The following CTNNA3 variants were observed in gnomAD, a reference collection of about 807,000 sequenced individuals.
The protein encoded by CTNNA3 is catenin alpha-3.
CTNNA3 carries 76 observed loss-of-function variants against 95.7 expected under a neutral mutation model. The ratio of observed to expected loss-of-function variants is 0.79; its 90% CI spans 0.66 to 0.96. The LOEUF is 0.96. CTNNA3 is among the 40% of genes least tolerant of loss of function. CTNNA3 has a pLI of 0.00. For missense variants in CTNNA3, 1,191 were observed against 1,089.8 expected, an observed-to-expected ratio of 1.09 and a Z score of -1.31; for synonymous variants, 431 against 374.4, an observed-to-expected ratio of 1.15 and a Z score of -1.74.
chr10:66,564,043 T>G (rs1459635412), intron 10 of CTNNA3, among the ~76,000 whole-genome samples: 2 of 152,240 alleles, frequency 1.3e-5, no homozygotes, highest in East Asian at 3.9e-4. Flanking sequence ...CAGGACCTCC[T>G]GAGGCTGTGT....
intron 3 of CTNNA3, among the ~76,000 whole-genome samples, chr10:67,546,213 T>G (rs1056185593): frequency 6.6e-6 from 1 of 152,052 alleles, no homozygotes; most frequent in African/African-American, 2.4e-5. Flanking sequence ...CTCACTGCAG[T>G]CTCAAACTCC....
At chr10:67,508,198 A>G (rs1157163235) in intron 5 of CTNNA3, among the ~76,000 whole-genome samples, 1 of 152,036 alleles carries the variant, frequency 6.6e-6, no homozygotes, top group Non-Finnish European at 1.5e-5. Context: ...TTTTATCAGA[A>G]ACAGGGTTTT....
chr10:67,625,764 G>T (rs1838929475), intron 2 of CTNNA3, among the ~76,000 whole-genome samples: 1 of 152,130 alleles, frequency 6.6e-6, no homozygotes, highest in African/African-American at 2.4e-5. Flanking sequence ...AAGCACTCTG[G>T]CCTATGGTCT....
At chr10:67,249,988 C>T (rs1047415367) in intron 5 of CTNNA3, among the ~76,000 whole-genome samples, 24 of 152,204 alleles carry the variant, frequency 1.6e-4, no homozygotes, top group African/African-American at 5.5e-4. Context: ...GGAGGACCTG[C>T]TGTACTTACA....
At position 67,297,460 on chromosome 10, in the gene CTNNA3, T is replaced by A. The variant is rs148387639; in HGVS notation, c.580-77590A>T. ...CCACTGGAAGGATTTCCCTTCCCACTGTCTTTCACGGTCCTCCCTGCATAG... is the reference window on the plus strand; with the variant it reads ...CCACTGGAAGGATTTCCCTTCCCACAGTCTTTCACGGTCCTCCCTGCATAG... On this transcript the variant is annotated intron_variant, in intron 5 of 17. Transcript: ENST00000433211. 6.2e-4 allele frequency among the ~76,000 whole-genome samples: 94 copies of A among 152,340 alleles called. 1 individual carries two copies. Among genetic ancestry groups the A allele is most frequent in the African/African-American group, 2.2e-3 (91 of 41,582 alleles).
At chr10:67,397,270 A>G (rs764247612) in intron 5 of CTNNA3, among the ~76,000 whole-genome samples, 20 of 152,164 alleles carry the variant, frequency 1.3e-4, no homozygotes, top group Non-Finnish European at 2.2e-4. Flanking sequence ...GATTTGTTGA[A>G]CAGCTTTGAC....
intron 15 of CTNNA3, among the ~76,000 whole-genome samples, chr10:66,004,497 A>T: frequency 6.6e-6 from 1 of 152,040 alleles, no homozygotes; most frequent in African/African-American, 2.4e-5. Context: ...CATGTAACCT[A>T]GTTGTGGGGG....
Position 66,845,704 on chromosome 10 carries a change from A to AAAAAAATAAATAAATAAAT in CTNNA3, c.1048-70181_1048-70180insATTTATTTATTTATTTTTT, listed in dbSNP as rs1491306382. 5.3e-4 allele frequency among the ~76,000 whole-genome samples: 30 copies of AAAAAAATAAATAAATAAAT among 56,788 alleles called. 3 individuals are homozygous for AAAAAAATAAATAAATAAAT. Among genetic ancestry groups the AAAAAAATAAATAAATAAAT allele is most frequent in the Non-Finnish European group, 7.1e-4 (23 of 32,478 alleles). The allele number at this position is 56,788 out of a possible 152,430, so 37.3% of individuals were successfully genotyped here. On this transcript the variant is annotated intron_variant, in intron 7 of 17. Coordinates refer to ENST00000433211, the MANE Select transcript of CTNNA3 (RefSeq NM_013266.4). ...GGTAACAACAGCAAAACTCTGTCTC[A>AAAAAAATAAATAAATAAAT]AAAAAAAAAAAAAAAAAAAAAAAAA... is the stretch of plus-strand genomic sequence containing the variant.
chr10:66,661,381 G>T (rs1846259531), intron 9 of CTNNA3, among the ~76,000 whole-genome samples: 1 of 152,116 alleles, frequency 6.6e-6, no homozygotes, highest in Non-Finnish European at 1.5e-5. Context: ...GCTATCACGA[G>T]AATAGCATGG....
chr10:66,224,468 C>T (rs942765581), intron 13 of CTNNA3, among the ~76,000 whole-genome samples: 2 of 152,094 alleles, frequency 1.3e-5, no homozygotes, highest in Non-Finnish European at 2.9e-5. Context: ...TATTGCTTGT[C>T]ATGGTAACAA....
chr10:67,168,217 G>T (rs1861866639), intron 7 of CTNNA3, among the ~76,000 whole-genome samples: 7 of 152,158 alleles, frequency 4.6e-5, no homozygotes, highest in Admixed American at 4.6e-4. Flanking sequence ...AAGAAGAGCT[G>T]GTACCATTCC....
At chr10:67,450,294 G>A (rs1846925319) in intron 5 of CTNNA3, among the ~76,000 whole-genome samples, 1 of 152,102 alleles carries the variant, frequency 6.6e-6, no homozygotes, top group Non-Finnish European at 1.5e-5. Context: ...TCCCATTACT[G>A]GATATATGCC....
intron 15 of CTNNA3, among the ~76,000 whole-genome samples, chr10:66,041,611 C>T (rs1022489768): frequency 6.6e-6 from 1 of 152,170 alleles, no homozygotes; most frequent in African/African-American, 2.4e-5. Context: ...AGGTTCTTTG[C>T]TGTGTTCTCT....
chr10:66,908,465 G>C (rs1193440686), intron 7 of CTNNA3, among the ~76,000 whole-genome samples: 2 of 152,140 alleles, frequency 1.3e-5, no homozygotes, highest in Non-Finnish European at 2.9e-5. Flanking sequence ...TGTTTAGAAT[G>C]AAAGGCTGGT....
Position 65,916,932 on chromosome 10 carries a change from G to A in CTNNA3, c.*3398C>T, listed in dbSNP as rs750899748. ...TCAGCCACTCATTATTTAATTTGAG[G>A]AGCATTAATTATTTGGTCTGAAGGC... is the stretch of plus-strand genomic sequence containing the variant. On this transcript the variant is annotated 3_prime_UTR_variant, in exon 18 of 18. Coordinates refer to ENST00000433211, the MANE Select transcript of CTNNA3 (RefSeq NM_013266.4). 2.0e-5 allele frequency: 3 copies of A among 152,148 alleles called. No homozygotes were observed. The highest frequency in any genetic ancestry group is 4.8e-5 in the African/African-American group (2 of 41,448). 9.4% of individuals were successfully genotyped at this position (152,148 alleles called of 1,614,324 possible).
chr10:67,299,614 G>A (rs1214769179), intron 5 of CTNNA3, among the ~76,000 whole-genome samples: 1 of 152,116 alleles, frequency 6.6e-6, no homozygotes, highest in African/African-American at 2.4e-5. Flanking sequence ...CCCCATATGG[G>A]GTTTTAGTGC....
At chr10:65,964,916 A>G (rs80094031) in intron 17 of CTNNA3, among the ~76,000 whole-genome samples, 14 of 152,056 alleles carry the variant, frequency 9.2e-5, no homozygotes, top group Non-Finnish European at 1.9e-4. Context: ...TATCTATATA[A>G]ATGTATATAT....
chr10:67,677,067 C>G (rs1304407786), intron 1 of CTNNA3, among the ~76,000 whole-genome samples: 1 of 152,148 alleles, frequency 6.6e-6, no homozygotes, highest in Non-Finnish European at 1.5e-5. Flanking sequence ...TGTTTGAAGG[C>G]TCCCAGATTC....
intron 12 of CTNNA3, among the ~76,000 whole-genome samples, chr10:66,322,524 A>G (rs73303453): frequency 0.011 from 1,719 of 152,194 alleles, 34 homozygotes; most frequent in African/African-American, 0.039. Flanking sequence ...AGAGGAGGGC[A>G]CTATGCAGTA....
Sources: gnomAD v4.1 joint callset for allele counts (sites outside exome capture counted in the v4.1 genomes callset) on GRCh38, gnomAD v4.1.1 for gene constraint, MANE v1.5 for transcripts, NCBI Gene and HGNC (gene_info 2026-07-23, HGNC 2026-07-21) for gene names.